CLMP: variants seen among roughly 807,000 people sequenced by gnomAD.
CLMP encodes CXADR-like membrane protein.
A neutral mutation model predicts 45.2 loss-of-function variants in CLMP; 27 were observed. That is an observed-to-expected ratio of 0.60 (90% CI 0.44 to 0.82). CLMP has a LOEUF of 0.82. Among genes scored for constraint, CLMP ranks in the 40% least tolerant of loss-of-function variants. The pLI is 0.00. For synonymous variants in CLMP, 167 were observed against 171.4 expected (o/e 0.97, Z 0.20); for missense variants, 403 against 448.4 (o/e 0.90, Z 0.91).
intron 1 of CLMP, among the ~76,000 whole-genome samples, chr11:123,133,814 C>A (rs901876302): frequency 6.6e-6 from 1 of 152,108 alleles, no homozygotes; most frequent in African/African-American, 2.4e-5. Flanking sequence ...CGAATCTGAG[C>A]GGGGAGGCCT....
intron 1 of CLMP, among the ~76,000 whole-genome samples, chr11:123,123,180 G>GCTAACCCTAACCCTA (rs1365107831): frequency 1.3e-5 from 2 of 151,242 alleles, no homozygotes; most frequent in Non-Finnish European, 2.9e-5. Context: ...GCCCAGCTGT[G>GCTAACCCTAACCCTA]ACCCTTCCAG....
chr11:123,117,584 G>A (rs1237510449), intron 1 of CLMP, among the ~76,000 whole-genome samples: 1 of 151,872 alleles, frequency 6.6e-6, no homozygotes. Flanking sequence ...TCGCCACCAT[G>A]CCTGGCTAAT....
chr11:123,140,529 ATTG>A (rs998654418), intron 1 of CLMP, among the ~76,000 whole-genome samples: 41 of 151,924 alleles, frequency 2.7e-4, no homozygotes, highest in African/African-American at 7.7e-4. Context: ...TGGTGTTTCT[ATTG>A]TTCTTCCACC....
intron 1 of CLMP, among the ~76,000 whole-genome samples, chr11:123,129,894 T>G (rs2135507650): frequency 6.8e-6 from 1 of 147,140 alleles, no homozygotes; most frequent in East Asian, 2.0e-4. Context: ...ATCCACCTAC[T>G]CCTTCCTTTT....
At chr11:123,104,448 C>T (rs7947697) in intron 1 of CLMP, among the ~76,000 whole-genome samples, 2,802 of 151,106 alleles carry the variant, frequency 0.019, 84 homozygotes, top group African/African-American at 0.065. Context: ...GCAATGGCGT[C>T]ATCTCAGCTC....
At chr11:123,129,414 GATATATTATATAAAATA>G (rs1860950615) in intron 1 of CLMP, among the ~76,000 whole-genome samples, 1 of 137,362 alleles carries the variant, frequency 7.3e-6, no homozygotes, top group African/African-American at 2.8e-5. Flanking sequence ...TATATCATAT[GATATATTATATAAAATA>G]TATATCATAT....
chr11:123,136,195 T>C, intron 1 of CLMP: 1 of 639,738 alleles, frequency 1.6e-6, no homozygotes, highest in South Asian at 1.4e-5. Flanking sequence ...ACAAAAATCC[T>C]GCAAACCAGC....
Position 123,072,962 on chromosome 11 carries a change from G to A in CLMP, c.*512C>T. 1 of 152,632 alleles carries A rather than the reference G, an allele frequency of 6.6e-6. No homozygotes were observed. The highest frequency in any genetic ancestry group is 1.5e-5 in the Non-Finnish European group (1 of 68,308). The allele number at this position is 152,632 out of a possible 1,614,324, so 9.5% of individuals were successfully genotyped here. A position where few individuals can be genotyped will look rare whatever the true frequency, so the allele number is the denominator to read the frequency against. The stretch of plus-strand genomic sequence containing the variant: ...TAGAAGACACATGTTTCCTTTTTTG[G>A]AGTTTCTTAGAAGTGGTTAGCTCAG... On this transcript the variant is annotated 3_prime_UTR_variant, in exon 7 of 7. Transcript: ENST00000448775.
At chr11:123,190,335 G>GA (rs1384980003) in intron 1 of CLMP, among the ~76,000 whole-genome samples, 3 of 152,040 alleles carry the variant, frequency 2.0e-5, no homozygotes, top group Non-Finnish European at 2.9e-5. Flanking sequence ...AACAGTGCCT[G>GA]AAAAAATCAA....
intron 1 of CLMP, among the ~76,000 whole-genome samples, chr11:123,098,266 C>T (rs1028104356): frequency 5.3e-5 from 8 of 151,590 alleles, no homozygotes; most frequent in South Asian, 2.1e-4. Context: ...TTGCTCTTGT[C>T]GCCCAGGCTG....
intron 1 of CLMP, among the ~76,000 whole-genome samples, chr11:123,123,853 G>T (rs1438707682): frequency 1.3e-5 from 2 of 152,174 alleles, no homozygotes; most frequent in Non-Finnish European, 2.9e-5. Context: ...TGCTGTGGCA[G>T]CTCAGAGGAG....
At chr11:123,137,644 G>A (rs1220491426) in intron 1 of CLMP, among the ~76,000 whole-genome samples, 1 of 152,042 alleles carries the variant, frequency 6.6e-6, no homozygotes, top group African/African-American at 2.4e-5. Flanking sequence ...GCCTGGGGCT[G>A]CCCTGATATT....
Position 123,186,536 on chromosome 11 carries a change from G to A in CLMP, c.28+8377C>T, listed in dbSNP as rs1030074284. Among the ~76,000 whole-genome samples the A allele has an allele frequency of 1.7e-4, 23 of 137,878 alleles. 1 individual carries two copies. The highest frequency in any genetic ancestry group is 3.7e-4 in the Admixed American group (5 of 13,554). The allele number at this position is 137,878 out of a possible 152,430, so 90.5% of individuals were successfully genotyped here. A position where few individuals can be genotyped will look rare whatever the true frequency, so the allele number is the denominator to read the frequency against. On this transcript the variant is annotated intron_variant, in intron 1 of 6. Coordinates refer to ENST00000448775, the MANE Select transcript of CLMP (RefSeq NM_024769.5). The stretch of plus-strand genomic sequence containing the variant: ...AATTTGTGAGCTTTTTTTTTTTTTT[G>A]AGATGGTGTCTCACTCTGTCACCCA...
intron 1 of CLMP, among the ~76,000 whole-genome samples, chr11:123,171,300 C>G (rs1370140562): frequency 3.3e-5 from 5 of 152,054 alleles, no homozygotes; most frequent in South Asian, 2.1e-4. Flanking sequence ...TAGACAAAGT[C>G]TGCATTAAGC....
At chr11:123,083,645 T>G in intron 4 of CLMP, 35 bp downstream of exon 4, 3 of 1,609,020 alleles carry the variant, frequency 1.9e-6, no homozygotes, top group Non-Finnish European at 2.6e-6. Context: ...AGGACTATTT[T>G]GTTGGCTCAA....
intron 1 of CLMP, among the ~76,000 whole-genome samples, chr11:123,185,527 G>A (rs1007518924): frequency 3.9e-5 from 6 of 152,220 alleles, no homozygotes; most frequent in African/African-American, 7.2e-5. Flanking sequence ...CAGAGAAGGA[G>A]GCTGCGGAGA....
chr11:123,125,204 G>GC (rs1365991395), intron 1 of CLMP, among the ~76,000 whole-genome samples: 3 of 152,088 alleles, frequency 2.0e-5, no homozygotes, highest in Non-Finnish European at 4.4e-5. Flanking sequence ...GGCCTTATAT[G>GC]CATTTTTAAG....
At chr11:123,191,515 A>C (rs989946465) in intron 1 of CLMP, 1 of 152,252 alleles carries the variant, frequency 6.6e-6, no homozygotes, top group African/African-American at 2.4e-5. Flanking sequence ...GTCTATTTTT[A>C]ATCTGGTACT....
chr11:123,121,126 CA>C (rs760887619), intron 1 of CLMP, among the ~76,000 whole-genome samples: 1,829 of 65,326 alleles, frequency 0.028, 11 homozygotes, highest in South Asian at 0.048. Flanking sequence ...GACTCCGTCT[CA>C]AAAAAAAAAA....
Sources: gnomAD v4.1 joint callset for allele counts (sites outside exome capture counted in the v4.1 genomes callset) on GRCh38, gnomAD v4.1.1 for gene constraint, MANE v1.5 for transcripts, NCBI Gene and HGNC (gene_info 2026-07-23, HGNC 2026-07-21) for gene names.